MUC5B: variants seen among roughly 807,000 people sequenced by gnomAD.
MUC5B encodes mucin 5B, oligomeric mucus/gel-forming, also known as mucin-5B.
In MUC5B, 116 loss-of-function variants were observed where a neutral mutation model predicts 376.9. That is an observed-to-expected ratio of 0.31 (90% confidence interval 0.26 to 0.36). The LOEUF (loss-of-function observed/expected upper bound fraction) is 0.36, where lower values mean the gene tolerates loss of function less well. Ranked by LOEUF, MUC5B falls within the 10% of genes least tolerant of loss-of-function variation. The pLI, the probability that MUC5B is intolerant of heterozygous loss-of-function variation, is 1.00. For missense variants in MUC5B, 7,165 were observed against 7,769.9 expected (o/e 0.92, Z 2.93); for synonymous variants, 3,517 against 3,390.9 (o/e 1.04, Z -1.29).
At chr11:1,236,355 C>T (rs745589050) in intron 23 of MUC5B, 31 bp from the exon 24 acceptor site, 21 of 1,581,404 alleles carry the variant, frequency 1.3e-5, no homozygotes, top group South Asian at 5.7e-5. Flanking sequence ...GCCACAGGGT[C>T]GGCTTCCGGC....
chr11:1,252,619 A>C (rs1862735649), intron 32 of MUC5B, 95 bp downstream of exon 32: 1 of 1,397,556 alleles, frequency 7.2e-7, no homozygotes. Flanking sequence ...GGCCCGTCTC[A>C]GTGACCCCGC....
rs371813527 is a variant in MUC5B at position 1,254,748 on chromosome 11, G to A, written c.15532G>A (p.Val5178Met). 1 of 1,612,824 alleles carries A rather than the reference G, an allele frequency of 6.2e-7. No individual in the cohort carries two copies. Among genetic ancestry groups the A allele is most frequent in the African/African-American group, 1.3e-5 (1 of 74,944 alleles). Residue 5178 changes from valine (V) to methionine (M), a missense_variant, in exon 35 of 49, where the codon GTG (valine) becomes ATG (methionine). This residue lies in a region of MUC5B where 842 missense variants were observed against 1,016.9 expected (regional missense o/e 0.83). Coordinates refer to ENST00000529681, the MANE Select transcript of MUC5B (RefSeq NM_002458.3). ...SSGFSKNGVLVSVLGTTTMRV... is the reference protein window; with the variant it reads ...SSGFSKNGVLMSVLGTTTMRV... ...CGGTTTCAGCAAGAACGGCGTGCTT[G>A]TGTCTGTGCTGGGGACCACCACCAT...
intron 25 of MUC5B, among the ~76,000 whole-genome samples, chr11:1,238,636 G>A (rs1246383548): frequency 6.6e-6 from 1 of 152,168 alleles, no homozygotes; most frequent in African/African-American, 2.4e-5. Flanking sequence ...GGACAGGTGG[G>A]CAGATGGGCA....
Position 1,246,463 on chromosome 11 carries a change from G to C in MUC5B, c.9583G>C (p.Val3195Leu), listed in dbSNP as rs374636622. 3 of 1,613,224 alleles carry C rather than the reference G, an allele frequency of 1.9e-6. No individual in the cohort carries two copies. The African/African-American group carries it at 4.0e-5, about 22-fold the overall frequency. The part of the protein sequence containing the change: ...STRATAGTLK[V>L]LTSTATTPTV... ...CCGGGCAACTGCTGGCACCCTCAAA[G>C]TGCTGACCAGCACGGCCACCACACC... The change falls in exon 31 of 49, where the codon GTG becomes CTG. Residue 3195 changes from valine (V) to leucine (L), a missense_variant. Val to Leu is a conservative substitution (Grantham distance 32). Coordinates refer to ENST00000529681, the MANE Select transcript of MUC5B (RefSeq NM_002458.3).
chr11:1,233,666 C>T, intron 18 of MUC5B, 127 bp from the exon 19 acceptor site: 1 of 875,530 alleles, frequency 1.1e-6, no homozygotes, highest in Non-Finnish European at 1.8e-6. Context: ...GCAGCAGGCA[C>T]CGTCTGGCCT....
At chr11:1,231,588 C>G in intron 14 of MUC5B, 28 bp downstream of exon 14, 1 of 1,549,016 alleles carries the variant, frequency 6.5e-7, no homozygotes, top group South Asian at 1.2e-5. Context: ...CCTTCGGGGA[C>G]AGGGCCATTG....
Position 1,234,096 on chromosome 11 carries a change from C to T in MUC5B, c.2378-109C>T. 1.0e-6 allele frequency: 1 copy of T among 969,448 alleles called. No individual in the cohort carries two copies. Among genetic ancestry groups the T allele is most frequent in the Non-Finnish European group, 1.6e-6 (1 of 631,974 alleles). 60.1% of individuals were successfully genotyped at this position (969,448 alleles called of 1,614,324 possible). On this transcript the variant is annotated intron_variant, in intron 19 of 48. Coordinates refer to ENST00000529681, the MANE Select transcript of MUC5B (RefSeq NM_002458.3). This position sits in a 1 kb window ranked among gnomAD's most constrained non-coding sequence, Gnocchi z 6.3. ...GCTGCAGGTGTCATGGAAGCTTTGG[C>T]TCGGGGGCTGTTAACTTGATCAGCA...
intron 32 of MUC5B, 42 bp downstream of exon 32, chr11:1,252,566 C>A: frequency 6.8e-7 from 1 of 1,479,006 alleles, no homozygotes; most frequent in Non-Finnish European, 9.0e-7. Flanking sequence ...TGCGTGCACA[C>A]GGTCTGGGTT....
chr11:1,254,652 T>C, intron 34 of MUC5B, 42 bp from the exon 35 acceptor site: 1 of 1,587,112 alleles, frequency 6.3e-7, no homozygotes, highest in Middle Eastern at 1.7e-4. Context: ...CGAGCCCACC[T>C]GGCACTGCCT....
rs963842902 is a variant in MUC5B, at chr11:1,227,692, C to T, written c.685C>T (p.Leu229Phe). The T allele has an allele frequency of 4.2e-6, 3 of 722,248 alleles. No homozygotes were observed. The highest frequency in any genetic ancestry group is 4.0e-5 in the Admixed American group (2 of 50,632). The allele number at this position is 722,248 out of a possible 1,614,324, so 44.7% of individuals were successfully genotyped here. A position where few individuals can be genotyped will look rare whatever the true frequency, so the allele number is the denominator to read the frequency against. ...FYAHNARLTP[L>F]QFGNLQKLDG... is the part of the protein sequence containing the mutation. The stretch of plus-strand genomic sequence containing the variant: ...CCCGGCAGACGCCAGGCTGACCCCG[C>T]TCCAGTTTGGGAACCTGCAGAAGTT... Residue 229 changes from leucine (L) to phenylalanine (F), a missense_variant, in exon 7 of 49, where the codon CTC becomes TTC. Leu to Phe is a conservative substitution (Grantham distance 22). Transcript: ENST00000529681.
chr11:1,231,299 C>A, intron 13 of MUC5B, 124 bp from the exon 14 acceptor site: 1 of 1,220,382 alleles, frequency 8.2e-7, no homozygotes, highest in Non-Finnish European at 1.1e-6. Flanking sequence ...GGGCTCCTGG[C>A]CACTCCTGGG....
At position 1,242,322 on chromosome 11, in the gene MUC5B, C is replaced by A; in HGVS notation, c.5442C>A (p.Ile1814=). The A allele has an allele frequency of 6.2e-7, 1 of 1,613,888 alleles. No homozygotes were observed. The highest frequency in any genetic ancestry group is 1.3e-5 in the African/African-American group (1 of 75,026). The part of the protein sequence containing the change: ...AGGDMETFEN[I]RAAGGKMCWA... ...GGGACATGGAAACTTTTGAAAACAT[C>A]AGGGCTGCTGGGGGCAAGATGTGCT... The change falls in exon 31 of 49, where the codon ATC becomes ATA. Residue 1814 remains isoleucine (I), a synonymous_variant. Transcript: ENST00000529681.
intron 12 of MUC5B, 149 bp downstream of exon 12, chr11:1,230,749 G>T: frequency 1.1e-6 from 1 of 907,534 alleles, no homozygotes; most frequent in Non-Finnish European, 1.7e-6. Context: ...CCCAGGTCAG[G>T]TCCCCCCTCC....
Position 1,253,469 on chromosome 11 carries a change from G to C in MUC5B, c.15217+489G>C, listed in dbSNP as rs1017847860. ...AACAGCGGCTTCCATCACCGTGCGGGACCCACCGCTAAGAGGTCACGGCGT... is the reference window on the plus strand; with the variant it reads ...AACAGCGGCTTCCATCACCGTGCGGCACCCACCGCTAAGAGGTCACGGCGT... On this transcript the variant is annotated intron_variant, in intron 33 of 48. Transcript: ENST00000529681. This position sits in a 1 kb window ranked among gnomAD's most constrained non-coding sequence, Gnocchi z 4.3. Among the ~76,000 whole-genome samples, 2 of 152,078 alleles carry C rather than the reference G, an allele frequency of 1.3e-5. No individual in the cohort carries two copies. Among genetic ancestry groups the C allele is most frequent in the African/African-American group, 4.8e-5 (2 of 41,392 alleles).
At chr11:1,229,066 T>C (rs1861961641) in intron 8 of MUC5B, 104 bp from the exon 9 acceptor site, 1 of 1,346,832 alleles carries the variant, frequency 7.4e-7, no homozygotes, top group African/African-American at 1.5e-5. Context: ...CTCTGGCTTC[T>C]GTGGACTTGA....
chr11:1,233,367 C>T (rs1472762180), intron 18 of MUC5B, 99 bp downstream of exon 18: 2 of 1,324,138 alleles, frequency 1.5e-6, no homozygotes, highest in Non-Finnish European at 2.0e-6. Flanking sequence ...GGTTCTGAGA[C>T]ATGAGGGGCC....
Position 1,261,651 on chromosome 11 carries a change from A to C in MUC5B, c.*43A>C, listed in dbSNP as rs1862997827. The C allele has an allele frequency of 1.3e-6, 2 of 1,535,476 alleles. No homozygotes were observed. Among genetic ancestry groups the C allele is most frequent in the Non-Finnish European group, 1.8e-6 (2 of 1,130,988 alleles). ...CCCCATGCTCTGTCCACCTGGAGCC[A>C]GGATGTGCATTGTCTGATCATGAAA... On this transcript the variant is annotated 3_prime_UTR_variant, in exon 49 of 49. Coordinates refer to ENST00000529681, the MANE Select transcript of MUC5B (RefSeq NM_002458.3).
At position 1,251,652 on chromosome 11, in the gene MUC5B, A is replaced by C. The variant is rs1178589679; in HGVS notation, c.14772A>C (p.Ser4924=). The stretch of plus-strand genomic sequence containing the variant: ...TCAGCGTGTCCACTGTGTCCTCCTC[A>C]GTCCTCACCACCCTGAGACCCACTG... ...PTFSVSTVSS[S]VLTTLRPTGF... The change falls in exon 31 of 49, where the codon TCA becomes TCC. Residue 4924 remains serine (S), a synonymous_variant. Transcript: ENST00000529681. 3 of 1,612,958 alleles carry C rather than the reference A, an allele frequency of 1.9e-6. No homozygotes were observed. The highest frequency in any genetic ancestry group is 2.5e-6 in the Non-Finnish European group (3 of 1,179,800).
chr11:1,237,725 CG>C (rs544161299), intron 25 of MUC5B, among the ~76,000 whole-genome samples: 191 of 152,092 alleles, frequency 1.3e-3, no homozygotes, highest in South Asian at 4.6e-3. Context: ...CAAAAATAGC[CG>C]GGTGTGGTGG....
Sources: allele counts gnomAD v4.1 joint callset (sites outside exome capture counted in the v4.1 genomes callset), GRCh38; gene constraint gnomAD v4.1.1; regional missense constraint gnomAD v4.1.1; non-coding constraint Gnocchi (gnomAD v3.1); transcripts MANE v1.5; gene names NCBI Gene and HGNC (gene_info 2026-07-23, HGNC 2026-07-21).